Variants in ASH1L observed in about 807,000 individuals in gnomAD.
The protein encoded by ASH1L is histone-lysine N-methyltransferase ASH1L.
ASH1L carries 23 observed loss-of-function variants against 269.0 expected under a neutral mutation model. The observed-to-expected ratio is 0.09, with a 90% CI of 0.06 to 0.12. The LOEUF (loss-of-function observed/expected upper bound fraction) is 0.12, where lower values mean the gene tolerates loss of function less well. ASH1L is among the 10% of genes least tolerant of loss of function. The probability of loss-of-function intolerance (pLI) is 1.00; values close to 1 mark genes in which losing one functional copy is unlikely to be tolerated. For synonymous variants in ASH1L, 1,187 were observed against 1,253.5 expected, an observed-to-expected ratio of 0.95 and a Z score of 1.12; for missense variants, 2,912 against 3,567.8, an observed-to-expected ratio of 0.82 and a Z score of 4.68.
rs112165343 is a variant in ASH1L, at chr1:155,433,902, T to C, written c.5828+4425A>G. The C allele has an allele frequency of 8.8e-3, 14,107 of 1,596,462 alleles. 1,110 individuals are homozygous for C. In the African/African-American group the frequency reaches 0.17, roughly 19 times the overall value. ...AAGCGAACCAGTATCGAGAACCGAGTGAGAGGCAACCTGGAGAATTTGTTC... is the reference window on the plus strand; with the variant it reads ...AAGCGAACCAGTATCGAGAACCGAGCGAGAGGCAACCTGGAGAATTTGTTC... On this transcript the variant is annotated intron_variant, in intron 5 of 27. Coordinates refer to ENST00000392403, the MANE Select transcript of ASH1L (RefSeq NM_018489.3).
At chr1:155,466,126 A>G (rs1664679271) in intron 3 of ASH1L, among the ~76,000 whole-genome samples, 1 of 152,106 alleles carries the variant, frequency 6.6e-6, no homozygotes, top group Non-Finnish European at 1.5e-5. Flanking sequence ...AGGCCGAGGC[A>G]GGCAGATCAC....
At chr1:155,446,955 T>C (rs963647281) in intron 4 of ASH1L, among the ~76,000 whole-genome samples, 1 of 152,244 alleles carries the variant, frequency 6.6e-6, no homozygotes, top group Non-Finnish European at 1.5e-5. Flanking sequence ...ATTATTTCTA[T>C]ATGTTGAGCT....
At chr1:155,404,272 C>T (rs568872347) in intron 6 of ASH1L, among the ~76,000 whole-genome samples, 1 of 152,056 alleles carries the variant, frequency 6.6e-6, no homozygotes, top group South Asian at 2.1e-4. Flanking sequence ...AAGATGAACG[C>T]TTGAGTCTAG....
At chr1:155,516,232 TATATA>T (rs1242749846) in intron 2 of ASH1L, among the ~76,000 whole-genome samples, 8 of 152,126 alleles carry the variant, frequency 5.3e-5, no homozygotes. Flanking sequence ...AAAAAAATTA[TATATA>T]ATATTTCAGT....
At chr1:155,405,032 A>C (rs10796942) in intron 6 of ASH1L, among the ~76,000 whole-genome samples, 4 of 150,662 alleles carry the variant, frequency 2.7e-5, no homozygotes, top group Non-Finnish European at 4.4e-5. Flanking sequence ...ATCTAAAAAA[A>C]AATAATAATA....
chr1:155,540,607 A>T (rs1430046153), intron 1 of ASH1L, among the ~76,000 whole-genome samples: 1 of 152,128 alleles, frequency 6.6e-6, no homozygotes, highest in Admixed American at 6.6e-5. Context: ...CATCTCTACA[A>T]AAAATGCAAA....
chr1:155,514,163 T>TA (rs1372432225), intron 2 of ASH1L, among the ~76,000 whole-genome samples: 2 of 152,168 alleles, frequency 1.3e-5, no homozygotes, highest in African/African-American at 2.4e-5. Context: ...GAAGAGTTAA[T>TA]AGAGTGTCAG....
chr1:155,374,498 G>A (rs1656259770), intron 10 of ASH1L, among the ~76,000 whole-genome samples: 1 of 152,114 alleles, frequency 6.6e-6, no homozygotes, highest in African/African-American at 2.4e-5. Flanking sequence ...AGTATCGACT[G>A]GATTATTCTT....
At chr1:155,507,047 C>T (rs1667860711) in intron 2 of ASH1L, among the ~76,000 whole-genome samples, 1 of 151,718 alleles carries the variant, frequency 6.6e-6, no homozygotes, top group Admixed American at 6.6e-5. Context: ...CTTTGGGAGG[C>T]CAAGGCGGGC....
Position 155,524,517 on chromosome 1 carries a change from G to A in ASH1L, c.-99-2899C>T, listed in dbSNP as rs552804503. 7.6e-5 allele frequency among the ~76,000 whole-genome samples: 10 copies of A among 132,118 alleles called. No individual in the cohort carries two copies. In the East Asian group the frequency reaches 1.6e-3, roughly 21 times the overall value. The allele number at this position is 132,118 out of a possible 152,430, so 86.7% of individuals were successfully genotyped here. Reference sequence around the variant, plus strand: ...AGCCTGGGCAACAAAGCAAGACTCCGTCTCAAAAAAAAAAAAAAAAAAAGT... The same window carrying A: ...AGCCTGGGCAACAAAGCAAGACTCCATCTCAAAAAAAAAAAAAAAAAAAGT... On this transcript the variant is annotated intron_variant, in intron 1 of 27. Coordinates refer to ENST00000392403, the MANE Select transcript of ASH1L (RefSeq NM_018489.3).
intron 12 of ASH1L, among the ~76,000 whole-genome samples, chr1:155,369,769 GTATTAT>G (rs753506622): frequency 6.6e-6 from 1 of 151,950 alleles, no homozygotes; most frequent in Non-Finnish European, 1.5e-5. Flanking sequence ...TAAATATTAG[GTATTAT>G]TATTATTTTT....
At chr1:155,388,512 G>A (rs1478479740) in intron 7 of ASH1L, among the ~76,000 whole-genome samples, 1 of 151,926 alleles carries the variant, frequency 6.6e-6, no homozygotes. Context: ...ATGTTGTCCA[G>A]GCTGGTCTCG....
Position 155,357,628 on chromosome 1 carries a change from C to T in ASH1L, c.6917G>A (p.Arg2306Gln), listed in dbSNP as rs142726363. 76 of 1,613,864 alleles carry T rather than the reference C, an allele frequency of 4.7e-5. No individual in the cohort carries two copies. The highest frequency in any genetic ancestry group is 1.9e-4 in the African/African-American group (14 of 74,838). ...QPMATHKKSG[R>Q]SKEKRKSKHK... is the part of the protein sequence containing the mutation. ...CTTAGACTTTCTCTTCTCTTTTGAC[C>T]GTCCAGATTTTTTGTGTGTGGCCAT... Residue 2306 changes from arginine (R) to glutamine (Q), a missense_variant, in exon 14 of 28, where the codon CGG (arginine) becomes CAG (glutamine). Arg to Gln is a conservative substitution (Grantham distance 43). This residue lies in a region of ASH1L where 309 missense variants were observed against 435.1 expected (regional missense o/e 0.71). Coordinates refer to ENST00000392403, the MANE Select transcript of ASH1L (RefSeq NM_018489.3).
At chr1:155,468,345 T>C (rs1215299886) in intron 3 of ASH1L, among the ~76,000 whole-genome samples, 2 of 152,072 alleles carry the variant, frequency 1.3e-5, no homozygotes, top group Non-Finnish European at 2.9e-5. Context: ...CTGCCAGGCC[T>C]CTTCACTGTA....
chr1:155,357,081 ACACACACACAC>A (rs1419982096), intron 15 of ASH1L, among the ~76,000 whole-genome samples: 1 of 99,542 alleles, frequency 1.0e-5, no homozygotes, highest in Non-Finnish European at 1.9e-5. Flanking sequence ...CCAGCTCTAC[ACACACACACAC>A]ACACACACAC....
chr1:155,430,983 G>A lies in ASH1L; in HGVS notation c.5828+7344C>T, dbSNP rs115007040. ...TAATCCCAGCACTTTGGGAGGCCAA[G>A]GTGGGCAGACTTGAGGTCAGGAGTT... On this transcript the variant is annotated intron_variant, in intron 5 of 27. Transcript: ENST00000392403. Among the ~76,000 whole-genome samples the A allele has an allele frequency of 6.1e-3, 931 of 152,124 alleles. 10 individuals carry two copies. The highest frequency in any genetic ancestry group is 0.022 in the African/African-American group (906 of 41,488).
Position 155,343,042 on chromosome 1 carries a change from C to A in ASH1L, c.8293+272G>T. 2.3e-5 allele frequency: 6 copies of A among 255,704 alleles called. No homozygotes were observed. The highest frequency in any genetic ancestry group is 3.7e-5 in the Non-Finnish European group (5 of 135,174). 15.8% of individuals were successfully genotyped at this position (255,704 alleles called of 1,614,324 possible). A position where few individuals can be genotyped will look rare whatever the true frequency, so the allele number is the denominator to read the frequency against. Reference sequence around the variant, plus strand: ...TTTTTTTTTTTTTGAGGCAGGGTTTCATTCTGTTGCACAGGTTGGAGTGCA... The same window carrying A: ...TTTTTTTTTTTTTGAGGCAGGGTTTAATTCTGTTGCACAGGTTGGAGTGCA... On this transcript the variant is annotated intron_variant, in intron 24 of 27. Transcript: ENST00000392403. This position sits in a 1 kb window ranked among gnomAD's most constrained non-coding sequence, Gnocchi z 6.1.
intron 10 of ASH1L, among the ~76,000 whole-genome samples, chr1:155,371,857 C>T (rs953546950): frequency 4.6e-5 from 7 of 151,860 alleles, no homozygotes; most frequent in Non-Finnish European, 1.0e-4. Flanking sequence ...CCACACCCGG[C>T]TATTTTTTGT....
At chr1:155,460,501 G>C (rs1021874967) in intron 3 of ASH1L, among the ~76,000 whole-genome samples, 1 of 152,060 alleles carries the variant, frequency 6.6e-6, no homozygotes, top group Non-Finnish European at 1.5e-5. Flanking sequence ...CCAGCTACTC[G>C]AGAGGCTGAG....
Sources: gnomAD v4.1 joint callset for allele counts (sites outside exome capture counted in the v4.1 genomes callset) on GRCh38, gnomAD v4.1.1 for gene constraint, gnomAD v4.1.1 regional missense constraint, Gnocchi (gnomAD v3.1) non-coding constraint, MANE v1.5 for transcripts, NCBI Gene and HGNC (gene_info 2026-07-23, HGNC 2026-07-21) for gene names.